Variants in ARHGAP25 observed in about 807,000 individuals in gnomAD.
ARHGAP25 encodes rho GTPase-activating protein 25.
ARHGAP25 carries 34 observed loss-of-function variants against 71.0 expected under a neutral mutation model. The observed-to-expected ratio is 0.48, with a 90% confidence interval of 0.36 to 0.64. The LOEUF (loss-of-function observed/expected upper bound fraction) is 0.64, where lower values mean the gene tolerates loss of function less well. Ranked by LOEUF, ARHGAP25 falls within the 30% of genes least tolerant of loss-of-function variation. The pLI, the probability that ARHGAP25 is intolerant of heterozygous loss-of-function variation, is 0.00. For synonymous variants in ARHGAP25, 282 were observed against 296.5 expected (o/e 0.95, Z 0.50); for missense variants, 706 against 805.1 (o/e 0.88, Z 1.49).
At chr2:68,763,267 A>G (rs1676933004) in intron 1 of ARHGAP25, among the ~76,000 whole-genome samples, 1 of 152,214 alleles carries the variant, frequency 6.6e-6, no homozygotes. Flanking sequence ...ACAGCTCTCA[A>G]TTATATGACA....
intron 1 of ARHGAP25, among the ~76,000 whole-genome samples, chr2:68,756,668 A>G (rs949979973): frequency 6.6e-6 from 1 of 152,176 alleles, no homozygotes; most frequent in Non-Finnish European, 1.5e-5. Context: ...AACAAACAAA[A>G]TCCAGCAAAT....
intron 2 of ARHGAP25, among the ~76,000 whole-genome samples, chr2:68,711,180 C>A (rs1037325511): frequency 1.3e-5 from 2 of 152,206 alleles, no homozygotes; most frequent in African/African-American, 4.8e-5. Flanking sequence ...CATTCAGCTG[C>A]TTTCTCTTCA....
At chr2:68,820,880 CA>C (rs1270492794) in intron 9 of ARHGAP25, among the ~76,000 whole-genome samples, 1 of 151,990 alleles carries the variant, frequency 6.6e-6, no homozygotes, top group Non-Finnish European at 1.5e-5. Context: ...CAGTCACACA[CA>C]TACACATACA....
intron 4 of ARHGAP25, among the ~76,000 whole-genome samples, chr2:68,805,335 C>T (rs1237320954): frequency 6.6e-6 from 1 of 152,064 alleles, no homozygotes; most frequent in Non-Finnish European, 1.5e-5. Context: ...TATCTAATCA[C>T]AGTCTCACCG....
chr2:68,811,426 G>A (rs61148023), intron 5 of ARHGAP25, among the ~76,000 whole-genome samples: 3,110 of 152,230 alleles, frequency 0.02, 111 homozygotes, highest in African/African-American at 0.07. Context: ...CCACTTTCTC[G>A]GGAACTTCTC....
At position 68,711,610 on chromosome 2, in the gene ARHGAP25, G is replaced by A. The variant is rs574992756; in HGVS notation, c.-18+912G>A. On this transcript the variant is annotated intron_variant and NMD_transcript_variant, in intron 2 of 7. Coordinates refer to the ARHGAP25 transcript ENST00000463483. ...AGGTATACATGTGTCATGGTGATTTGCTGCACCCATCAACCCGTCATCTAC... is the reference window on the plus strand; with the variant it reads ...AGGTATACATGTGTCATGGTGATTTACTGCACCCATCAACCCGTCATCTAC... Among the ~76,000 whole-genome samples the A allele has an allele frequency of 5.7e-4, 87 of 151,972 alleles. 1 individual carries two copies. The highest frequency in any genetic ancestry group is 9.2e-4 in the Admixed American group (14 of 15,248).
chr2:68,717,346 C>T (rs898573986), intron 2 of ARHGAP25, among the ~76,000 whole-genome samples: 1 of 152,188 alleles, frequency 6.6e-6, no homozygotes, highest in African/African-American at 2.4e-5. Flanking sequence ...CTGTGTGAAT[C>T]AGGGACCTCT....
chr2:68,807,835 C>T (rs1453568697), intron 5 of ARHGAP25, among the ~76,000 whole-genome samples: 2 of 152,184 alleles, frequency 1.3e-5, no homozygotes, highest in African/African-American at 4.8e-5. Context: ...CATGGAAGAG[C>T]TGAGCTGTAC....
At chr2:68,825,383 C>T (rs1682039197) in intron 10 of ARHGAP25, among the ~76,000 whole-genome samples, 1 of 152,110 alleles carries the variant, frequency 6.6e-6, no homozygotes, top group Non-Finnish European at 1.5e-5. Flanking sequence ...CTGGTCCCTC[C>T]TTTCAAAGAC....
At chr2:68,785,280 A>G (rs2104396749) in intron 3 of ARHGAP25, among the ~76,000 whole-genome samples, 1 of 152,358 alleles carries the variant, frequency 6.6e-6, no homozygotes, top group East Asian at 1.9e-4. Context: ...TTTTGAATTG[A>G]AAACAAAAGT....
intron 2 of ARHGAP25, among the ~76,000 whole-genome samples, chr2:68,725,983 T>C (rs763800736): frequency 2.0e-5 from 3 of 152,148 alleles, no homozygotes; most frequent in Non-Finnish European, 4.4e-5. Flanking sequence ...TCCAACTATT[T>C]AAAAATGCAA....
At chr2:68,766,574 G>A (rs1677133322) in intron 1 of ARHGAP25, among the ~76,000 whole-genome samples, 1 of 152,196 alleles carries the variant, frequency 6.6e-6, no homozygotes, top group Non-Finnish European at 1.5e-5. Flanking sequence ...CACTGGAGGG[G>A]TGGCCCTGGA....
At chr2:68,775,541 G>C in intron 2 of ARHGAP25, 121 bp downstream of exon 2, 2 of 1,468,072 alleles carry the variant, frequency 1.4e-6, no homozygotes, top group South Asian at 1.2e-5. Context: ...CCATTGGAAA[G>C]GAAATTGCTT....
At chr2:68,785,189 G>A (rs1002408185) in intron 3 of ARHGAP25, among the ~76,000 whole-genome samples, 1 of 152,198 alleles carries the variant, frequency 6.6e-6, no homozygotes, top group African/African-American at 2.4e-5. Context: ...GAGAACTTTA[G>A]CTTTTCTGCT....
chr2:68,800,180 C>T (rs1482665996), intron 4 of ARHGAP25, among the ~76,000 whole-genome samples: 2 of 151,498 alleles, frequency 1.3e-5, no homozygotes, highest in African/African-American at 2.4e-5. Flanking sequence ...GCTGAGCGGG[C>T]AGGCACAGTG....
Position 68,775,426 on chromosome 2 carries a change from A to G in ARHGAP25, c.261+6A>G, listed in dbSNP as rs752457044. 1 of 1,614,246 alleles carries G rather than the reference A, an allele frequency of 6.2e-7. No homozygotes were observed. The highest frequency in any genetic ancestry group is 8.5e-7 in the Non-Finnish European group (1 of 1,180,022). On this transcript the variant is annotated splice_donor_region_variant and intron_variant, in intron 2 of 10. Transcript: ENST00000409202. Reference sequence around the variant, plus strand: ...AAGAGGACACGAAGCCCCAGGTACCAGCCAGGCTGTTTGTCCCGTTCATAA... The same window carrying G: ...AAGAGGACACGAAGCCCCAGGTACCGGCCAGGCTGTTTGTCCCGTTCATAA...
At chr2:68,782,498 A>G (rs1277575873) in intron 3 of ARHGAP25, among the ~76,000 whole-genome samples, 178 bp downstream of exon 3, 2 of 152,242 alleles carry the variant, frequency 1.3e-5, no homozygotes, top group African/African-American at 4.8e-5. Context: ...TTTATTAACT[A>G]GTATCAAGTG....
intron 1 of ARHGAP25, among the ~76,000 whole-genome samples, chr2:68,773,769 T>G (rs528321044): frequency 5.9e-5 from 9 of 152,254 alleles, no homozygotes; most frequent in Admixed American, 4.6e-4. Flanking sequence ...TTGAAGAAGC[T>G]CTCAGTGATG....
intron 4 of ARHGAP25, among the ~76,000 whole-genome samples, chr2:68,806,296 G>A (rs1303815929): frequency 6.6e-6 from 1 of 152,186 alleles, no homozygotes; most frequent in African/African-American, 2.4e-5. Context: ...ATCTCTGCCA[G>A]GTGAATGAAC....
Sources: allele counts gnomAD v4.1 joint callset (sites outside exome capture counted in the v4.1 genomes callset), GRCh38; gene constraint gnomAD v4.1.1; transcripts MANE v1.5; gene names NCBI Gene and HGNC (gene_info 2026-07-23, HGNC 2026-07-21).